MGST1: variants seen among roughly 807,000 people sequenced by gnomAD.
MGST1 encodes glutathione S-transferase 12.
MGST1 carries 5 observed loss-of-function variants against 8.9 expected under a neutral mutation model. That is an observed-to-expected ratio of 0.56 (90% CI 0.29 to 1.19). The LOEUF is 1.19. MGST1 is among the 50% of genes most tolerant of loss of function. The pLI is 0.08. For synonymous variants in MGST1, 54 were observed against 67.8 expected, an observed-to-expected ratio of 0.80 and a Z score of 1.00; for missense variants, 182 against 187.4, an observed-to-expected ratio of 0.97 and a Z score of 0.17.
chr12:16,483,022 T>A (rs1279328734), intron 4 of MGST1, among the ~76,000 whole-genome samples: 2 of 152,232 alleles, frequency 1.3e-5, no homozygotes, highest in Non-Finnish European at 2.9e-5. Context: ...TTTATGTGGA[T>A]AGCTACATAG....
intron 4 of MGST1, among the ~76,000 whole-genome samples, chr12:16,488,414 C>T (rs1470692450): frequency 6.6e-6 from 1 of 152,114 alleles, no homozygotes; most frequent in Non-Finnish European, 1.5e-5. Context: ...GTGTCATACC[C>T]TCTTGTGCCC....
In MGST1 at chr12:16,515,373, C is replaced by T. The variant is rs187827732; in HGVS notation, n.483-74155C>T. Among the ~76,000 whole-genome samples, 8 of 152,146 alleles carry T rather than the reference C, an allele frequency of 5.3e-5. No individual in the cohort carries two copies. In the East Asian group the frequency reaches 1.4e-3, roughly 26 times the overall value. ...GGGATTTATTTAAAAATAAAGAGGC[C>T]GAGCACAGTGGCTCATGACTAATCC... On this transcript the variant is annotated intron_variant and non_coding_transcript_variant, in intron 4 of 4. Transcript: ENST00000538857.
intron 4 of MGST1, among the ~76,000 whole-genome samples, chr12:16,566,557 G>A (rs988340532): frequency 6.6e-6 from 1 of 151,806 alleles, no homozygotes; most frequent in East Asian, 1.9e-4. Context: ...ATTAAAAAAA[G>A]AAATTTTCAA....
At chr12:16,390,675 T>C (rs1940543824) in intron 1 of MGST1, among the ~76,000 whole-genome samples, 1 of 152,212 alleles carries the variant, frequency 6.6e-6, no homozygotes, top group Admixed American at 6.5e-5. Flanking sequence ...CATTCCATGG[T>C]GTATATGTAC....
intron 4 of MGST1, among the ~76,000 whole-genome samples, chr12:16,487,943 T>C (rs1182231707): frequency 1.3e-5 from 2 of 152,212 alleles, no homozygotes; most frequent in Non-Finnish European, 2.9e-5. Context: ...AAAAATTGGC[T>C]GGTGAATAGG....
chr12:16,466,353 G>A (rs564179742), intron 4 of MGST1, among the ~76,000 whole-genome samples: 42 of 152,182 alleles, frequency 2.8e-4, no homozygotes, highest in African/African-American at 1.0e-3. Flanking sequence ...TAAATAGCTG[G>A]CGAGGTCAAG....
chr12:16,540,835 A>G (rs550744304), intron 4 of MGST1, among the ~76,000 whole-genome samples: 14 of 152,270 alleles, frequency 9.2e-5, no homozygotes, highest in African/African-American at 3.1e-4. Flanking sequence ...GCTTGAACCC[A>G]GGAGGCGGAG....
At chr12:16,506,507 C>T (rs188718001) in intron 4 of MGST1, among the ~76,000 whole-genome samples, 28 of 152,188 alleles carry the variant, frequency 1.8e-4, no homozygotes, top group Admixed American at 9.8e-4. Context: ...TGTCTCTCTA[C>T]AACCAAAATT....
intron 1 of MGST1, among the ~76,000 whole-genome samples, chr12:16,397,078 A>G (rs1426571665): frequency 6.6e-6 from 1 of 152,222 alleles, no homozygotes; most frequent in Non-Finnish European, 1.5e-5. Context: ...ATAAAAATAG[A>G]CACATACACC....
At chr12:16,457,819 A>G (rs1941188139) in intron 4 of MGST1, among the ~76,000 whole-genome samples, 1 of 152,058 alleles carries the variant, frequency 6.6e-6, no homozygotes, top group African/African-American at 2.4e-5. Flanking sequence ...ACAGCTTTTC[A>G]TAATGAATGA....
At chr12:16,541,300 T>C (rs1941792300) in intron 4 of MGST1, among the ~76,000 whole-genome samples, 1 of 152,194 alleles carries the variant, frequency 6.6e-6, no homozygotes, top group Non-Finnish European at 1.5e-5. Context: ...GATCTTCAGA[T>C]AGGATTTGGA....
intron 4 of MGST1, among the ~76,000 whole-genome samples, chr12:16,538,107 C>T (rs1376789740): frequency 6.6e-6 from 1 of 152,128 alleles, no homozygotes; most frequent in Non-Finnish European, 1.5e-5. Context: ...TCCTTTTCTG[C>T]TTAGAAATTT....
chr12:16,508,181 A>G (rs1341297084), intron 4 of MGST1, among the ~76,000 whole-genome samples: 2 of 152,178 alleles, frequency 1.3e-5, no homozygotes, highest in Non-Finnish European at 1.5e-5. Context: ...CTTCGTACTA[A>G]ATAGAGACTT....
intron 4 of MGST1, among the ~76,000 whole-genome samples, chr12:16,569,184 C>A (rs541281925): frequency 6.6e-6 from 1 of 152,304 alleles, no homozygotes; most frequent in East Asian, 1.9e-4. Flanking sequence ...CTATAGAGAG[C>A]AGAAAATATC....
In MGST1 at chr12:16,544,409, T is replaced by C. The variant is rs980785008; in HGVS notation, n.483-45119T>C. On this transcript the variant is annotated intron_variant and non_coding_transcript_variant, in intron 4 of 4. Coordinates refer to the MGST1 transcript ENST00000538857. The surrounding 1 kb of genome is among the most constrained non-coding windows in gnomAD (Gnocchi z 4.8). ...AAAAGAGAAAAAGCCAAATATGATA[T>C]ATGTGGCTTGTTTCTTCTATTGAAT... 1.3e-5 allele frequency among the ~76,000 whole-genome samples: 2 copies of C among 152,072 alleles called. No homozygotes were observed. The highest frequency in any genetic ancestry group is 6.6e-5 in the Admixed American group (1 of 15,232).
At chr12:16,419,469 T>C (rs1362033938) in intron 1 of MGST1, among the ~76,000 whole-genome samples, 1 of 152,088 alleles carries the variant, frequency 6.6e-6, no homozygotes, top group Non-Finnish European at 1.5e-5. Flanking sequence ...CTAGAGAGAT[T>C]CCTTCAGAAA....
intron 4 of MGST1, among the ~76,000 whole-genome samples, chr12:16,568,470 A>G (rs1326834872): frequency 2.0e-5 from 3 of 152,156 alleles, no homozygotes; most frequent in African/African-American, 7.2e-5. Flanking sequence ...CTTACTGTCT[A>G]TTGCTGTGCT....
At chr12:16,514,928 G>A (rs1247573240) in intron 4 of MGST1, among the ~76,000 whole-genome samples, 2 of 152,192 alleles carry the variant, frequency 1.3e-5, no homozygotes, top group African/African-American at 4.8e-5. Context: ...TTTTCTCAAA[G>A]AGTTTACATG....
At chr12:16,487,471 C>T (rs994289670) in intron 4 of MGST1, among the ~76,000 whole-genome samples, 8 of 151,856 alleles carry the variant, frequency 5.3e-5, no homozygotes, top group Non-Finnish European at 7.4e-5. Context: ...TGTATAGGAA[C>T]GATACAGTCC....
Sources: allele counts gnomAD v4.1 joint callset (sites outside exome capture counted in the v4.1 genomes callset), GRCh38; gene constraint gnomAD v4.1.1; non-coding constraint Gnocchi (gnomAD v3.1); transcripts MANE v1.5; gene names NCBI Gene and HGNC (gene_info 2026-07-23, HGNC 2026-07-21).